The following ADGRL3 variants were observed in gnomAD, a reference collection of about 807,000 sequenced individuals.
The protein encoded by ADGRL3 is adhesion G protein-coupled receptor L3.
A neutral mutation model predicts 153.5 loss-of-function variants in ADGRL3; 62 were observed. The ratio of observed to expected loss-of-function variants is 0.40; its 90% CI spans 0.33 to 0.50. The LOEUF (loss-of-function observed/expected upper bound fraction) is 0.50, where lower values mean the gene tolerates loss of function less well. Among genes scored for constraint, ADGRL3 ranks in the 20% least tolerant of loss-of-function variants. ADGRL3 has a pLI of 0.47. For missense variants in ADGRL3, 1,641 were observed against 1,859.4 expected (o/e 0.88, Z 2.16); for synonymous variants, 710 against 672.5 (o/e 1.06, Z -0.86).
chr4:61,345,582 G>A (rs2095884198), intron 1 of ADGRL3, among the ~76,000 whole-genome samples: 1 of 152,050 alleles, frequency 6.6e-6, no homozygotes, highest in South Asian at 2.1e-4. Context: ...TAAAAACTAT[G>A]GTCCATGTAC....
intron 1 of ADGRL3, among the ~76,000 whole-genome samples, chr4:61,366,941 C>T (rs891503651): frequency 2.8e-4 from 42 of 152,252 alleles, no homozygotes; most frequent in African/African-American, 9.6e-4. Flanking sequence ...GCACAGTTAG[C>T]TAGCCCCACT....
chr4:61,760,716 G>T (rs964856753), intron 8 of ADGRL3, among the ~76,000 whole-genome samples: 4 of 152,184 alleles, frequency 2.6e-5, no homozygotes, highest in Non-Finnish European at 5.9e-5. Context: ...ACCTCAGTTG[G>T]AAATGCAGAA....
intron 1 of ADGRL3, among the ~76,000 whole-genome samples, chr4:61,326,495 G>GA (rs139383285): frequency 0.073 from 10,990 of 151,430 alleles, 489 homozygotes; most frequent in South Asian, 0.12. Context: ...CGTTTAGTGT[G>GA]AAAAAATCCA....
At chr4:61,339,427 A>G (rs2095756230) in intron 1 of ADGRL3, among the ~76,000 whole-genome samples, 1 of 152,180 alleles carries the variant, frequency 6.6e-6, no homozygotes, top group African/African-American at 2.4e-5. Flanking sequence ...ATCCATGTCC[A>G]CCGTCATTTT....
chr4:61,527,908 T>A (rs1438167292), intron 4 of ADGRL3, among the ~76,000 whole-genome samples: 1 of 152,124 alleles, frequency 6.6e-6, no homozygotes, highest in Non-Finnish European at 1.5e-5. Context: ...TCCTGGTGCC[T>A]CCACTGTGTT....
intron 4 of ADGRL3, among the ~76,000 whole-genome samples, chr4:61,580,341 A>G (rs556182192): frequency 6.6e-6 from 1 of 152,192 alleles, no homozygotes; most frequent in African/African-American, 2.4e-5. Flanking sequence ...TAGTAATTCA[A>G]CACTGTTTCC....
chr4:61,710,644 A>G (rs938441118), intron 6 of ADGRL3, among the ~76,000 whole-genome samples: 2 of 152,200 alleles, frequency 1.3e-5, no homozygotes, highest in African/African-American at 2.4e-5. Flanking sequence ...ACTTGAGTAC[A>G]TGTTTATTTA....
intron 3 of ADGRL3, among the ~76,000 whole-genome samples, chr4:61,503,532 T>C (rs1378431977): frequency 6.6e-6 from 1 of 152,038 alleles, no homozygotes; most frequent in Non-Finnish European, 1.5e-5. Context: ...TGTAATTGGG[T>C]TATTTATAAA....
At chr4:61,562,607 C>T (rs192196539) in intron 4 of ADGRL3, among the ~76,000 whole-genome samples, 61 of 152,244 alleles carry the variant, frequency 4.0e-4, no homozygotes, top group South Asian at 3.9e-3. Context: ...CCCCAAGAAG[C>T]AACTCCTCTT....
At chr4:61,962,836 G>A (rs947199345) in intron 17 of ADGRL3, among the ~76,000 whole-genome samples, 9 of 152,162 alleles carry the variant, frequency 5.9e-5, no homozygotes, top group African/African-American at 2.2e-4. Flanking sequence ...AATTTATAAT[G>A]TGCTCAATCC....
intron 9 of ADGRL3, among the ~76,000 whole-genome samples, chr4:61,860,860 C>A (rs1023109771): frequency 6.6e-6 from 1 of 152,074 alleles, no homozygotes; most frequent in Non-Finnish European, 1.5e-5. Flanking sequence ...TGAGCCTTAG[C>A]AAGTGCAAAG....
At chr4:61,640,348 C>G (rs977019542) in intron 5 of ADGRL3, among the ~76,000 whole-genome samples, 1 of 152,174 alleles carries the variant, frequency 6.6e-6, no homozygotes, top group East Asian at 1.9e-4. Context: ...CCAGAGACAT[C>G]TGCCCTCTAT....
chr4:61,971,687 T>G (rs2099028408), intron 17 of ADGRL3, among the ~76,000 whole-genome samples: 1 of 152,182 alleles, frequency 6.6e-6, no homozygotes, highest in African/African-American at 2.4e-5. Context: ...ATGGGATGGC[T>G]GTGTCAAATG....
intron 6 of ADGRL3, among the ~76,000 whole-genome samples, chr4:61,684,585 G>A (rs4552500): frequency 0.41 from 62,700 of 151,812 alleles, 13,362 homozygotes; most frequent in East Asian, 0.52. Context: ...AGCAAAGACT[G>A]CAGGGTAGTG....
intron 5 of ADGRL3, among the ~76,000 whole-genome samples, chr4:61,613,538 G>C (rs1022635582): frequency 2.0e-5 from 3 of 152,184 alleles, no homozygotes; most frequent in Non-Finnish European, 2.9e-5. Flanking sequence ...GAGGTCAGGA[G>C]TTCGAGACCA....
At chr4:61,812,213 G>A (rs2148600228) in intron 8 of ADGRL3, among the ~76,000 whole-genome samples, 1 of 152,194 alleles carries the variant, frequency 6.6e-6, no homozygotes, top group East Asian at 1.9e-4. Context: ...TTATAATAAT[G>A]TTTTTAGTAT....
chr4:61,804,462 C>A (rs927235956), intron 8 of ADGRL3, among the ~76,000 whole-genome samples: 2 of 152,150 alleles, frequency 1.3e-5, no homozygotes, highest in Admixed American at 1.3e-4. Context: ...GACACACAAG[C>A]ATTTATATAT....
intron 1 of ADGRL3, among the ~76,000 whole-genome samples, chr4:61,217,700 A>G (rs1181758677): frequency 1.3e-5 from 2 of 152,242 alleles, no homozygotes; most frequent in Non-Finnish European, 2.9e-5. Context: ...TGAAGATTTC[A>G]GAGTTTAGCT....
chr4:62,049,045 T>C (rs1269884868), intron 25 of ADGRL3, among the ~76,000 whole-genome samples: 1 of 152,158 alleles, frequency 6.6e-6, no homozygotes, highest in East Asian at 1.9e-4. Flanking sequence ...TGTTAGGCTT[T>C]ATGTCATCAC....
Sources: allele counts gnomAD v4.1 joint callset (sites outside exome capture counted in the v4.1 genomes callset), GRCh38; gene constraint gnomAD v4.1.1; transcripts MANE v1.5; gene names NCBI Gene and HGNC (gene_info 2026-07-23, HGNC 2026-07-21).